The following TAF3 variants were observed in gnomAD, a reference collection of about 807,000 sequenced individuals.
The protein encoded by TAF3 is TATA-box binding protein associated factor 3, also known as transcription initiation factor TFIID subunit 3.
TAF3 carries 7 observed loss-of-function variants against 80.6 expected under a neutral mutation model. The observed-to-expected ratio is 0.09, with a 90% confidence interval of 0.05 to 0.16. The LOEUF (loss-of-function observed/expected upper bound fraction) is 0.16, where lower values mean the gene tolerates loss of function less well. Ranked by LOEUF, TAF3 falls within the 10% of genes least tolerant of loss-of-function variation. The pLI is 1.00. For synonymous variants in TAF3, 444 were observed against 446.1 expected, an observed-to-expected ratio of 1.00 and a Z score of 0.06; for missense variants, 921 against 1,140.2, an observed-to-expected ratio of 0.81 and a Z score of 2.77.
rs1837809875 is a variant in TAF3 at position 7,925,818 on chromosome 10, GA to G, written c.410-38098del. 4.1e-5 allele frequency among the ~76,000 whole-genome samples: 4 copies of G among 98,274 alleles called. No homozygotes were observed. The South Asian group carries it at 1.0e-3, about 25-fold the overall frequency. 64.5% of individuals were successfully genotyped at this position (98,274 alleles called of 152,430 possible). On this transcript the variant is annotated intron_variant, in intron 2 of 6. Transcript: ENST00000344293. ...CATCTCAAAAAAAAAAAAAAGAAAAGAAAAGAAAAGAAAAAGGAAGGAAGGA... is the reference window on the plus strand; with the variant it reads ...CATCTCAAAAAAAAAAAAAAGAAAAGAAAGAAAAGAAAAAGGAAGGAAGGA...
intron 2 of TAF3, among the ~76,000 whole-genome samples, chr10:7,857,975 G>T (rs1837099411): frequency 1.3e-5 from 2 of 149,214 alleles, no homozygotes; most frequent in South Asian, 4.2e-4. Flanking sequence ...GAATTATCTG[G>T]GGGAGGTAGG....
Position 8,009,315 on chromosome 10 carries a change from G to C in TAF3, c.2553G>C (p.Thr851=), listed in dbSNP as rs774790162. The C allele has an allele frequency of 9.4e-6, 15 of 1,591,422 alleles. No individual in the cohort carries two copies. In the South Asian group the frequency reaches 1.2e-4, roughly 13 times the overall value. ...CCGTGCGCAGCGTGGTGACTGAGAC[G>C]GTCAGCACCTACGTGGTGCGTACCT... The part of the protein sequence containing the change: ...KAPVRSVVTE[T]VSTYVIRDEW... The change falls in exon 5 of 7, where the codon ACG becomes ACC. Residue 851 remains threonine (T), a synonymous_variant. Coordinates refer to ENST00000344293, the MANE Select transcript of TAF3 (RefSeq NM_031923.4). This position sits in a 1 kb window ranked among gnomAD's most constrained non-coding sequence, Gnocchi z 4.1.
chr10:7,900,105 C>T lies in TAF3; in HGVS notation c.410-63815C>T, dbSNP rs577854516. On this transcript the variant is annotated intron_variant, in intron 2 of 6. Transcript: ENST00000344293. ...CTGTGTAATGGTGTAAAGCTTACAC[C>T]GAATGGTATAAAATCCACTGACTGC... Among the ~76,000 whole-genome samples, 3 of 152,162 alleles carry T rather than the reference C, an allele frequency of 2.0e-5. No individual in the cohort carries two copies. In the South Asian group the frequency reaches 6.2e-4, roughly 32 times the overall value.
At chr10:8,006,153 A>G (rs1831989210) in intron 4 of TAF3, among the ~76,000 whole-genome samples, 1 of 150,260 alleles carries the variant, frequency 6.7e-6, no homozygotes, top group African/African-American at 2.5e-5. Flanking sequence ...AACATGGAGA[A>G]ACCCCGTCTC....
At position 7,822,405 on chromosome 10, in the gene TAF3, C is replaced by G. The variant is rs1490685329; in HGVS notation, c.167-1913C>G. 2.0e-5 allele frequency among the ~76,000 whole-genome samples: 3 copies of G among 151,344 alleles called. No individual in the cohort carries two copies. In the South Asian group the frequency reaches 6.3e-4, roughly 32 times the overall value. On this transcript the variant is annotated intron_variant, in intron 1 of 6. Coordinates refer to ENST00000344293, the MANE Select transcript of TAF3 (RefSeq NM_031923.4). ...AATAGGAATAGAAGAGATGAAATGC[C>G]TGTTTACATTCAGTAAGAAGAAGAG...
At position 7,996,402 on chromosome 10, in the gene TAF3, C is replaced by A. The variant is rs150346853; in HGVS notation, c.2316-12676C>A. On this transcript the variant is annotated intron_variant, in intron 4 of 6. Transcript: ENST00000344293. ...CTTGGAGGTGACGTGGTTATTTTCA[C>A]CATGTGCTGCCAGCCATCCAGCTCA... 2.5e-4 allele frequency among the ~76,000 whole-genome samples: 38 copies of A among 152,316 alleles called. 1 individual carries two copies. In the East Asian group the frequency reaches 4.4e-3, roughly 18 times the overall value.
intron 1 of TAF3, among the ~76,000 whole-genome samples, chr10:7,823,666 G>C (rs935803528): frequency 1.5e-5 from 2 of 133,728 alleles, no homozygotes; most frequent in Admixed American, 8.0e-5. Flanking sequence ...ATGGAGTCTT[G>C]CTCTGTTGCC....
intron 4 of TAF3, among the ~76,000 whole-genome samples, chr10:7,991,755 A>G (rs1831836427): frequency 6.6e-6 from 1 of 152,218 alleles, no homozygotes; most frequent in Non-Finnish European, 1.5e-5. Flanking sequence ...AAGAATTCAT[A>G]TAAAGCATGG....
intron 2 of TAF3, among the ~76,000 whole-genome samples, chr10:7,845,959 GT>G (rs34163537): frequency 0.13 from 16,917 of 130,926 alleles, 1,144 homozygotes; most frequent in South Asian, 0.22. Flanking sequence ...GTGTGTTTTT[GT>G]TTTTTTTTTT....
chr10:7,907,342 C>A (rs1837616561), intron 2 of TAF3, among the ~76,000 whole-genome samples: 1 of 152,126 alleles, frequency 6.6e-6, no homozygotes, highest in East Asian at 1.9e-4. Flanking sequence ...GTGTGCTGTT[C>A]CTATCCTTGC....
At chr10:7,821,776 G>A (rs1315872237) in intron 1 of TAF3, among the ~76,000 whole-genome samples, 1 of 152,180 alleles carries the variant, frequency 6.6e-6, no homozygotes, top group Non-Finnish European at 1.5e-5. Context: ...ATGTAAAAGG[G>A]ATAAGAGGAG....
intron 2 of TAF3, among the ~76,000 whole-genome samples, chr10:7,907,803 A>G (rs925699752): frequency 9.2e-5 from 14 of 152,334 alleles, no homozygotes; most frequent in Non-Finnish European, 1.8e-4. Context: ...TGAGTGGGCC[A>G]ATGATTAGAT....
At chr10:7,909,853 C>CA (rs1334588907) in intron 2 of TAF3, among the ~76,000 whole-genome samples, 1 of 152,130 alleles carries the variant, frequency 6.6e-6, no homozygotes, top group Non-Finnish European at 1.5e-5. Context: ...GTGATGGTTA[C>CA]AGAAGTCCCT....
chr10:7,880,238 G>A (rs1480084589), intron 2 of TAF3, among the ~76,000 whole-genome samples: 1 of 151,852 alleles, frequency 6.6e-6, no homozygotes, highest in African/African-American at 2.4e-5. Flanking sequence ...ACCTTGTCTC[G>A]GAAAAAATAA....
chr10:7,914,075 C>A (rs1040609741), intron 2 of TAF3, among the ~76,000 whole-genome samples: 5 of 152,068 alleles, frequency 3.3e-5, no homozygotes, highest in African/African-American at 1.2e-4. Flanking sequence ...AAGAAACTGA[C>A]TTTAAAAATG....
chr10:7,952,274 A>T (rs1303724359), intron 2 of TAF3, among the ~76,000 whole-genome samples: 1 of 152,250 alleles, frequency 6.6e-6, no homozygotes, highest in Non-Finnish European at 1.5e-5. Context: ...GCAAAAAAAA[A>T]ATCCACCATA....
At chr10:7,840,523 TG>T (rs1431345035) in intron 2 of TAF3, among the ~76,000 whole-genome samples, 14 of 145,334 alleles carry the variant, frequency 9.6e-5, no homozygotes, top group Non-Finnish European at 2.1e-4. Context: ...GCATCCAGAA[TG>T]AAAAAAAAAA....
intron 4 of TAF3, among the ~76,000 whole-genome samples, chr10:8,001,600 T>C (rs1831943881): frequency 6.6e-6 from 1 of 152,230 alleles, no homozygotes; most frequent in East Asian, 1.9e-4. Context: ...CAAATCAGCA[T>C]TTCCCTTTAT....
At chr10:7,902,080 AT>A (rs1360061291) in intron 2 of TAF3, among the ~76,000 whole-genome samples, 7 of 152,108 alleles carry the variant, frequency 4.6e-5, no homozygotes, top group Non-Finnish European at 8.8e-5. Flanking sequence ...GAACCAGGAC[AT>A]TTCTTCTCCA....
Sources: gnomAD v4.1 joint callset for allele counts (sites outside exome capture counted in the v4.1 genomes callset) on GRCh38, gnomAD v4.1.1 for gene constraint, Gnocchi (gnomAD v3.1) non-coding constraint, MANE v1.5 for transcripts, NCBI Gene and HGNC (gene_info 2026-07-23, HGNC 2026-07-21) for gene names.